SUMF1: variants seen among roughly 807,000 people sequenced by gnomAD.
SUMF1 encodes the protein formylglycine-generating enzyme.
Under a neutral mutation model 47.6 loss-of-function variants are expected in SUMF1, and 48 were observed. The observed-to-expected ratio is 1.01, with a 90% CI of 0.80 to 1.28. The LOEUF (loss-of-function observed/expected upper bound fraction) is 1.28, where lower values mean the gene tolerates loss of function less well. Ranked by LOEUF, SUMF1 falls within the 50% of genes most tolerant of loss-of-function variation. The pLI, the probability that SUMF1 is intolerant of heterozygous loss-of-function variation, is 0.00. For synonymous variants in SUMF1, 230 were observed against 192.1 expected (o/e 1.20, Z -1.63); for missense variants, 571 against 485.4 (o/e 1.18, Z -1.66).
At chr3:4,201,181 C>T (rs1695533172) in intron 8 of SUMF1, among the ~76,000 whole-genome samples, 1 of 151,948 alleles carries the variant, frequency 6.6e-6, no homozygotes, top group Non-Finnish European at 1.5e-5. Context: ...AAATGTACAA[C>T]AAACTGCTGT....
In SUMF1 at chr3:4,396,656, C is replaced by G. The variant is rs748457569; in HGVS notation, c.954+14209G>C. On this transcript the variant is annotated intron_variant, in intron 7 of 8. Coordinates refer to ENST00000272902, the MANE Select transcript of SUMF1 (RefSeq NM_182760.4). ...GGAGCTTCTCCATCCCAAATTGTTT[C>G]ACTTCCTTCAAGGAACTTCCCATGG... 1.8e-4 allele frequency among the ~76,000 whole-genome samples: 27 copies of G among 152,174 alleles called. 1 individual carries two copies. The highest frequency in any genetic ancestry group is 3.7e-4 in the Non-Finnish European group (25 of 68,034).
At chr3:4,223,546 C>T (rs1221252939) in intron 8 of SUMF1, among the ~76,000 whole-genome samples, 3 of 152,092 alleles carry the variant, frequency 2.0e-5, no homozygotes, top group African/African-American at 7.2e-5. Context: ...ACACTGGTTT[C>T]GTGACATGAG....
intron 8 of SUMF1, among the ~76,000 whole-genome samples, chr3:4,226,260 G>GTTTTTTTTTT (rs1559587286): frequency 4.5e-5 from 5 of 110,670 alleles, no homozygotes; most frequent in Non-Finnish European, 5.7e-5. Context: ...TTTTTTTTTT[G>GTTTTTTTTTT]TTTCTTTTTT....
chr3:4,356,413 TGGGGACAGCG>T (rs1699618929), downstream of SUMF1, among the ~76,000 whole-genome samples: 7 of 220 alleles, frequency 0.032, 1 homozygote, highest in Non-Finnish European at 0.049. Flanking sequence ...TGGTTTTCCG[TGGGGACAGCG>T]TGGGGACAGC....
In SUMF1 at chr3:4,324,602, A is replaced by G. The variant is rs1459699011; in HGVS notation, c.1014+51728T>C. ...CATTTTACATGTGAAAAGTGGGAGG[A>G]GAGGAAAAAGTCGATTATGCATTGT... On this transcript the variant is annotated intron_variant and NMD_transcript_variant, in intron 8 of 12. Transcript: ENST00000448413. Among the ~76,000 whole-genome samples the G allele has an allele frequency of 3.9e-5, 6 of 152,304 alleles. No homozygotes were observed. The East Asian group carries it at 9.6e-4, about 24-fold the overall frequency.
At chr3:4,320,182 T>G (rs1390832333) in intron 8 of SUMF1, among the ~76,000 whole-genome samples, 3 of 152,180 alleles carry the variant, frequency 2.0e-5, no homozygotes, top group African/African-American at 7.2e-5. Context: ...ATCACAGGAA[T>G]GCAGACTGTG....
chr3:4,258,474 AAAG>A (rs1697008532), intron 8 of SUMF1, among the ~76,000 whole-genome samples: 1 of 143,104 alleles, frequency 7.0e-6, no homozygotes, highest in Non-Finnish European at 1.5e-5. Context: ...ACACTTCTCA[AAAG>A]AAGACATTTA....
chr3:4,430,868 C>A (rs1212077273), intron 3 of SUMF1, among the ~76,000 whole-genome samples: 5 of 152,112 alleles, frequency 3.3e-5, no homozygotes, highest in Non-Finnish European at 2.9e-5. Context: ...GTGGGAAGGG[C>A]ATTCCACACA....
At position 4,039,983 on chromosome 3, in the gene SUMF1, T is replaced by C. The variant is rs151078276; in HGVS notation, c.1191+28586A>G. On this transcript the variant is annotated intron_variant and NMD_transcript_variant, in intron 9 of 12. Transcript: ENST00000448413. ...GCTGCAATGAGCCATGATCACACCA[T>C]AGCACTCCAACATGGGCAACAGAGA... Among the ~76,000 whole-genome samples, 574 of 152,202 alleles carry C rather than the reference T, an allele frequency of 3.8e-3. 6 individuals are homozygous for C. The highest frequency in any genetic ancestry group is 0.013 in the African/African-American group (542 of 41,528).
intron 1 of SUMF1, among the ~76,000 whole-genome samples, chr3:4,461,881 A>G (rs2079823448): frequency 6.6e-6 from 1 of 152,178 alleles, no homozygotes; most frequent in Admixed American, 6.6e-5. Context: ...TCAACTCTTC[A>G]CTGAAGGTTC....
intron 8 of SUMF1, among the ~76,000 whole-genome samples, chr3:4,280,584 G>T (rs757796426): frequency 2.0e-5 from 3 of 152,250 alleles, no homozygotes; most frequent in East Asian, 3.9e-4. Flanking sequence ...AAAGGTTTGC[G>T]TATCAGTTTC....
chr3:4,384,089 T>G (rs1424987774), intron 7 of SUMF1, among the ~76,000 whole-genome samples: 1 of 144,804 alleles, frequency 6.9e-6, no homozygotes, highest in South Asian at 2.1e-4. Flanking sequence ...CTATTTACCA[T>G]ATTTCCTGCT....
chr3:4,056,909 T>G (rs934824986), intron 9 of SUMF1, among the ~76,000 whole-genome samples: 4 of 151,362 alleles, frequency 2.6e-5, no homozygotes, highest in Non-Finnish European at 5.9e-5. Flanking sequence ...GCCCGGCTAA[T>G]TTTTTGTATT....
intron 8 of SUMF1, among the ~76,000 whole-genome samples, chr3:4,369,557 T>A (rs921083567): frequency 1.3e-5 from 2 of 152,194 alleles, no homozygotes; most frequent in African/African-American, 2.4e-5. Context: ...CAGGGGGAGC[T>A]ACACAGATGA....
intron 8 of SUMF1, among the ~76,000 whole-genome samples, chr3:4,248,401 A>T (rs1696717093): frequency 6.6e-6 from 1 of 152,248 alleles, no homozygotes; most frequent in Non-Finnish European, 1.5e-5. Flanking sequence ...AATTCAAGAC[A>T]TCACTTTTTT....
chr3:4,043,660 TATCTCAC>T (rs1245493662), intron 9 of SUMF1, among the ~76,000 whole-genome samples: 2 of 152,180 alleles, frequency 1.3e-5, no homozygotes, highest in Admixed American at 1.3e-4. Flanking sequence ...CTTCTTCGTC[TATCTCAC>T]ACTTTATTTC....
chr3:4,085,794 C>G (rs1368913340), intron 8 of SUMF1, among the ~76,000 whole-genome samples: 1 of 151,768 alleles, frequency 6.6e-6, no homozygotes, highest in African/African-American at 2.4e-5. Context: ...ATATAAAGCC[C>G]AAAAGTGGAC....
chr3:4,230,971 T>C lies in SUMF1; in HGVS notation c.1014+145359A>G, dbSNP rs372904854. Reference sequence around the variant, plus strand: ...AGTCTATGCTTTAAAGGGAGGTACATGTGAATTACAGGGTTTCATAACCCT... The same window carrying C: ...AGTCTATGCTTTAAAGGGAGGTACACGTGAATTACAGGGTTTCATAACCCT... On this transcript the variant is annotated intron_variant and NMD_transcript_variant, in intron 8 of 12. Transcript: ENST00000448413. Among the ~76,000 whole-genome samples the C allele has an allele frequency of 7.9e-5, 12 of 152,304 alleles. 2 individuals carry two copies. Among genetic ancestry groups the C allele is most frequent in the Admixed American group, 6.5e-5 (1 of 15,294 alleles).
intron 7 of SUMF1, among the ~76,000 whole-genome samples, chr3:4,400,415 G>A (rs773902057): frequency 1.3e-5 from 2 of 152,164 alleles, no homozygotes; most frequent in Non-Finnish European, 2.9e-5. Flanking sequence ...CCACCATTAG[G>A]AATTCTGAGA....
Sources: gnomAD v4.1 joint callset for allele counts (sites outside exome capture counted in the v4.1 genomes callset) on GRCh38, gnomAD v4.1.1 for gene constraint, MANE v1.5 for transcripts, NCBI Gene and HGNC (gene_info 2026-07-23, HGNC 2026-07-21) for gene names.